Variants in TNFSF9 observed in about 807,000 individuals in gnomAD.
TNFSF9 encodes the protein tumor necrosis factor ligand superfamily member 9.
Under a neutral mutation model 10.3 loss-of-function variants are expected in TNFSF9, and 10 were observed. That is an observed-to-expected ratio of 0.97 (90% CI 0.60 to 1.65). TNFSF9 has a LOEUF of 1.65. Ranked by LOEUF, TNFSF9 falls within the 40% of genes most tolerant of loss-of-function variation. The pLI, the probability that TNFSF9 is intolerant of heterozygous loss-of-function variation, is 0.00. For missense variants in TNFSF9, 361 were observed against 348.9 expected (o/e 1.03, Z -0.28); for synonymous variants, 195 against 176.1 (o/e 1.11, Z -0.85).
intron 1 of TNFSF9, among the ~76,000 whole-genome samples, chr19:6,532,576 C>CGT (rs1480430033): frequency 7.6e-6 from 1 of 130,784 alleles, no homozygotes; most frequent in African/African-American, 2.9e-5. Flanking sequence ...TGTGGGTGTT[C>CGT]GTGTGTGTGT....
At chr19:6,531,669 C>G (rs1367981281) in intron 1 of TNFSF9, among the ~76,000 whole-genome samples, 1 of 151,810 alleles carries the variant, frequency 6.6e-6, no homozygotes, top group Non-Finnish European at 1.5e-5. Flanking sequence ...CCCACAAGTT[C>G]TTTTTGGACC....
intron 1 of TNFSF9, among the ~76,000 whole-genome samples, chr19:6,532,296 T>TC (rs1555758721): frequency 0.01 from 1,531 of 146,168 alleles, 16 homozygotes; most frequent in Middle Eastern, 0.039. Flanking sequence ...TGTGTGTGTG[T>TC]GTTCGTGTTT....
chr19:6,532,324 C>T (rs1028777865), intron 1 of TNFSF9, among the ~76,000 whole-genome samples: 9 of 113,124 alleles, frequency 8.0e-5, no homozygotes, highest in Non-Finnish European at 1.4e-4. Context: ...TGTTTGTGTT[C>T]GTGTGTGTGT....
chr19:6,531,774 C>G (rs1915151545), intron 1 of TNFSF9, among the ~76,000 whole-genome samples: 1 of 152,136 alleles, frequency 6.6e-6, no homozygotes, highest in Non-Finnish European at 1.5e-5. Flanking sequence ...GAGGAGGAGA[C>G]CCCCACAGTC....
intron 2 of TNFSF9, among the ~76,000 whole-genome samples, chr19:6,533,024 C>T (rs1246346998): frequency 2.6e-5 from 4 of 152,008 alleles, no homozygotes; most frequent in Non-Finnish European, 5.9e-5. Flanking sequence ...CCATGGCCTC[C>T]CCATCAGACC....
At chr19:6,532,732 C>A (rs555932401) in intron 1 of TNFSF9, 54 bp from the exon 2 acceptor site, 2 of 1,613,140 alleles carry the variant, frequency 1.2e-6, no homozygotes, top group East Asian at 4.5e-5. Context: ...GGGGACAGAA[C>A]CTCCATTTTC....
chr19:6,532,908 C>A, intron 2 of TNFSF9, 92 bp downstream of exon 2: 1 of 1,570,236 alleles, frequency 6.4e-7, no homozygotes, highest in Non-Finnish European at 8.8e-7. Context: ...GAGGCTCTGC[C>A]GCACACTGGC....
Position 6,531,050 on chromosome 19 carries a change from C to A in TNFSF9, c.14C>A (p.Ser5Tyr). The A allele has an allele frequency of 1.2e-6, 2 of 1,611,262 alleles. No homozygotes were observed. The highest frequency in any genetic ancestry group is 1.7e-6 in the Non-Finnish European group (2 of 1,179,108). ...CAGTCTCTCGTCATGGAATACGCCT[C>A]TGACGCTTCACTGGACCCCGAAGCC... Reference protein sequence around the residue: MEYASDASLDPEAPW... With the variant: MEYAYDASLDPEAPW... The change falls in exon 1 of 3, where the codon TCT (serine) becomes TAT (tyrosine). Residue 5 changes from serine to tyrosine, a missense_variant. Coordinates refer to ENST00000245817, the MANE Select transcript of TNFSF9 (RefSeq NM_003811.4).
At chr19:6,532,982 C>T (rs556773910) in intron 2 of TNFSF9, among the ~76,000 whole-genome samples, 166 bp downstream of exon 2, 1 of 152,068 alleles carries the variant, frequency 6.6e-6, no homozygotes, top group South Asian at 2.1e-4. Context: ...GCCACCGATC[C>T]CTCTTTCTGA....
chr19:6,535,259 C>A lies in TNFSF9; in HGVS notation c.*193C>A. 1 of 400,934 alleles carries A rather than the reference C, an allele frequency of 2.5e-6. No individual in the cohort carries two copies. Among genetic ancestry groups the A allele is most frequent in the Non-Finnish European group, 4.4e-6 (1 of 228,402 alleles). The allele number at this position is 400,934 out of a possible 1,614,324, so 24.8% of individuals were successfully genotyped here. On this transcript the variant is annotated 3_prime_UTR_variant, in exon 3 of 3. Transcript: ENST00000245817. ...GTTGGACCTTGATATTTATTCTGAGCCTGAGCTCAGATAATATATTATATA... is the reference window on the plus strand; with the variant it reads ...GTTGGACCTTGATATTTATTCTGAGACTGAGCTCAGATAATATATTATATA...
At position 6,534,603 on chromosome 19, in the gene TNFSF9, T is replaced by A; in HGVS notation, c.302T>A (p.Leu101Gln). ...AGTGCATGCTTTCCTCCCACAGTTC[T>A]GCTGATCGATGGGCCCCTGAGCTGG... is the stretch of plus-strand genomic sequence containing the variant. ...MFAQLVAQNV[L>Q]LIDGPLSWYS... The change falls in exon 3 of 3, where the codon CTG (leucine) becomes CAG (glutamine). Residue 101 changes from leucine (L) to glutamine (Q), a missense_variant. Physicochemically the swap from Leu to Gln is moderately radical, Grantham distance 113. Coordinates refer to ENST00000245817, the MANE Select transcript of TNFSF9 (RefSeq NM_003811.4). The A allele has an allele frequency of 6.4e-7, 1 of 1,567,188 alleles. No individual in the cohort carries two copies. The highest frequency in any genetic ancestry group is 8.6e-7 in the Non-Finnish European group (1 of 1,156,602).
At chr19:6,532,503 TTGTGTGTGTTTGTGTTTGCGTTCG>T (rs1568420200) in intron 1 of TNFSF9, among the ~76,000 whole-genome samples, 1 of 143,860 alleles carries the variant, frequency 7.0e-6, no homozygotes, top group African/African-American at 2.6e-5. Flanking sequence ...GTGTGGGTGT[TTGTGTGTGTTTGTGTTTGCGTTCG>T]TGTGTGTGTT....
At chr19:6,531,773 A>AC (rs1432100237) in intron 1 of TNFSF9, among the ~76,000 whole-genome samples, 1 of 149,520 alleles carries the variant, frequency 6.7e-6, no homozygotes, top group African/African-American at 2.5e-5. Flanking sequence ...GGAGGAGGAG[A>AC]CCCCCACAGT....
chr19:6,534,023 C>T (rs902522524), intron 2 of TNFSF9, among the ~76,000 whole-genome samples: 3 of 142,566 alleles, frequency 2.1e-5, no homozygotes, highest in Non-Finnish European at 4.6e-5. Context: ...CTTCCCTCTC[C>T]CTCCTAGCTC....
chr19:6,534,084 C>T (rs1038460198), intron 2 of TNFSF9, among the ~76,000 whole-genome samples: 2 of 135,764 alleles, frequency 1.5e-5, no homozygotes, highest in Admixed American at 7.5e-5. Flanking sequence ...TTCTCCTCCC[C>T]CCATCTCCAT....
Position 6,534,892 on chromosome 19 carries a change from CG to C in TNFSF9, c.593del (p.Gly198ValfsTer9), listed in dbSNP as rs1363389132. On this transcript the variant is annotated frameshift_variant, in exon 3 of 3. Coordinates refer to ENST00000245817, the MANE Select transcript of TNFSF9 (RefSeq NM_003811.4). LOFTEE classifies it low-confidence loss of function (END_TRUNC). ...CCTCCGAGGCTCGGAACTCGGCCTT[CG>C]GTTTCCAGGGCCGCTTGCTGCACCT... Reference protein sequence around the residue: ...ASSEARNSAFGFQGRLLHLSA... With the variant: ...ASSEARNSAFXFQGRLLHLSA... 2 of 1,607,764 alleles carry C rather than the reference CG, an allele frequency of 1.2e-6. No individual in the cohort carries two copies. Among genetic ancestry groups the C allele is most frequent in the African/African-American group, 1.3e-5 (1 of 74,896 alleles).
intron 1 of TNFSF9, among the ~76,000 whole-genome samples, chr19:6,531,574 T>C (rs1453598968): frequency 6.6e-6 from 1 of 151,136 alleles, no homozygotes; most frequent in African/African-American, 2.4e-5. Flanking sequence ...CCCAAGGGTC[T>C]CCTTCTTCTA....
chr19:6,533,796 G>A (rs1207717716), intron 2 of TNFSF9, among the ~76,000 whole-genome samples: 1 of 2,662 alleles, frequency 3.8e-4, no homozygotes, highest in African/African-American at 2.6e-3. Flanking sequence ...TCCCCCTCCA[G>A]AGACCCCTTC....
chr19:6,534,952 C>T lies in TNFSF9; in HGVS notation c.651C>T (p.His217=). The T allele has an allele frequency of 6.2e-7, 1 of 1,611,636 alleles. No homozygotes were observed. The highest frequency in any genetic ancestry group is 8.5e-7 in the Non-Finnish European group (1 of 1,179,626). The part of the protein sequence containing the change: ...SAGQRLGVHL[H]TEARARHAWQ... ...GCCAGCGCCTGGGCGTCCATCTTCACACTGAGGCCAGGGCACGCCATGCCT... is the reference window on the plus strand; with the variant it reads ...GCCAGCGCCTGGGCGTCCATCTTCATACTGAGGCCAGGGCACGCCATGCCT... Residue 217 remains histidine, a synonymous_variant, in exon 3 of 3, where the codon CAC becomes CAT. Transcript: ENST00000245817.
Sources: gnomAD v4.1 joint callset for allele counts (sites outside exome capture counted in the v4.1 genomes callset) on GRCh38, gnomAD v4.1.1 for gene constraint, MANE v1.5 for transcripts, NCBI Gene and HGNC (gene_info 2026-07-23, HGNC 2026-07-21) for gene names.